Variants in CAPN12 observed in about 807,000 individuals in gnomAD.
The protein encoded by CAPN12 is calpain 12.
Under a neutral mutation model 95.0 loss-of-function variants are expected in CAPN12, and 107 were observed. The ratio of observed to expected loss-of-function variants is 1.13; its 90% CI spans 0.96 to 1.32. The LOEUF is 1.32. Ranked by LOEUF, CAPN12 falls within the 40% of genes most tolerant of loss-of-function variation. CAPN12 has a pLI of 0.00. For synonymous variants in CAPN12, 505 were observed against 415.5 expected (o/e 1.22, Z -2.62); for missense variants, 1,136 against 997.8 (o/e 1.14, Z -1.87).
chr19:38,740,000 A>AC lies in CAPN12; in HGVS notation c.729+50dup, dbSNP rs763638836. On this transcript the variant is annotated intron_variant, in intron 5 of 20. Transcript: ENST00000328867. ...CTCCGCCCACCCCACCACACCCCTG[A>AC]CTGTGCTCTGGTCCTGGTGGGGGTT... 5 of 1,491,618 alleles carry AC rather than the reference A, an allele frequency of 3.4e-6. No homozygotes were observed. In the Admixed American group the frequency reaches 8.8e-5, roughly 26 times the overall value. The allele number at this position is 1,491,618 out of a possible 1,614,324, so 92.4% of individuals were successfully genotyped here. A position where few individuals can be genotyped will look rare whatever the true frequency, so the allele number is the denominator to read the frequency against.
In CAPN12 at chr19:38,742,842, C is replaced by T. The variant is rs144653011; in HGVS notation, c.307+191G>A. ...TTCCAGAATGGGTGACAGAGTGAGACCCCATCTCAAAAAAAAAAAAAAAAA... is the reference window on the plus strand; with the variant it reads ...TTCCAGAATGGGTGACAGAGTGAGATCCCATCTCAAAAAAAAAAAAAAAAA... On this transcript the variant is annotated intron_variant, in intron 2 of 20. Coordinates refer to ENST00000328867, the MANE Select transcript of CAPN12 (RefSeq NM_144691.4). Among the ~76,000 whole-genome samples, 564 of 85,176 alleles carry T rather than the reference C, an allele frequency of 6.6e-3. 5 individuals are homozygous for T. The highest frequency in any genetic ancestry group is 0.022 in the African/African-American group (524 of 23,298). 55.9% of individuals were successfully genotyped at this position (85,176 alleles called of 152,430 possible). A position where few individuals can be genotyped will look rare whatever the true frequency, so the allele number is the denominator to read the frequency against.
intron 18 of CAPN12, among the ~76,000 whole-genome samples, chr19:38,732,290 T>C (rs1160297940): frequency 6.6e-6 from 1 of 152,132 alleles, no homozygotes; most frequent in Non-Finnish European, 1.5e-5. Context: ...CTCCCAATCC[T>C]TGGCTGTCTC....
intron 8 of CAPN12, 53 bp from the exon 9 acceptor site, chr19:38,737,691 A>G (rs549741466): frequency 1.8e-4 from 269 of 1,475,290 alleles, no homozygotes; most frequent in Admixed American, 4.3e-4. Context: ...GGGGGTCCCA[A>G]GATCCCGGAA....
intron 14 of CAPN12, 31 bp from the exon 15 acceptor site, chr19:38,734,901 T>C (rs374675721): frequency 1.2e-5 from 19 of 1,608,290 alleles, no homozygotes; most frequent in Non-Finnish European, 1.6e-5. Flanking sequence ...TGTGAGGCCA[T>C]TTACTCATCC....
In CAPN12 at chr19:38,743,983, GTCATAGCCAAGGGCA is replaced by G; in HGVS notation, c.168_182del (p.Ala57_Asp61del). 6.2e-7 allele frequency: 1 copy of G among 1,614,250 alleles called. No homozygotes were observed. The highest frequency in any genetic ancestry group is 1.1e-5 in the South Asian group (1 of 91,088). On this transcript the variant is annotated inframe_deletion, in exon 1 of 21. Transcript: ENST00000328867. ...CCTTCTCCGAGTCCGGCCCCAGCTGGTCATAGCCAAGGGCATCAGGGCCAGCAGGGAAGTAAGGGT... is the reference window on the plus strand; with the variant it reads ...CCTTCTCCGAGTCCGGCCCCAGCTGGTCAGGGCCAGCAGGGAAGTAAGGGT...
rs1970598371 is a variant in CAPN12 at position 38,742,399 on chromosome 19, C to A, written c.426+11G>T. On this transcript the variant is annotated intron_variant, in intron 3 of 20. Transcript: ENST00000328867. Reference sequence around the variant, plus strand: ...GGAAACGGAGGCATGGGCAGAGGAACTGAGCTGTACCTGGAAGTGGAAGAC... The same window carrying A: ...GGAAACGGAGGCATGGGCAGAGGAAATGAGCTGTACCTGGAAGTGGAAGAC... 6.3e-7 allele frequency: 1 copy of A among 1,587,586 alleles called. No individual in the cohort carries two copies. Among genetic ancestry groups the A allele is most frequent in the Non-Finnish European group, 8.6e-7 (1 of 1,156,126 alleles).
In CAPN12 at chr19:38,736,159, C is replaced by G. The variant is rs935856394; in HGVS notation, c.1534G>C (p.Glu512Gln). 2.0e-6 allele frequency: 3 copies of G among 1,514,146 alleles called. No individual in the cohort carries two copies. Among genetic ancestry groups the G allele is most frequent in the East Asian group, 5.4e-5 (2 of 37,080 alleles). The allele number at this position is 1,514,146 out of a possible 1,614,324, so 93.8% of individuals were successfully genotyped here. ...VVPSTAHAGD[E>Q]ADFTLRVFSE... ...AAGACACGCAGAGTGAAGTCAGCCT[C>G]GTCGCCGGCGTGGGCGGTGCTCGGC... is the stretch of plus-strand genomic sequence containing the variant. The change falls in exon 12 of 21, where the codon GAG (glutamate) becomes CAG (glutamine). Residue 512 changes from glutamate to glutamine, a missense_variant. By Grantham distance (29) the Glu-to-Gln change is conservative. Transcript: ENST00000328867.
Position 38,738,422 on chromosome 19 carries a change from C to G in CAPN12, c.886G>C (p.Asp296His). The change falls in exon 7 of 21, where the codon GAC becomes CAC. Residue 296 changes from aspartate to histidine, a missense_variant. Coordinates refer to ENST00000328867, the MANE Select transcript of CAPN12 (RefSeq NM_144691.4). Reference sequence around the variant, plus strand: ...CCCACCCCAGACCCATCCCACCTGTCGCTCCAGGCCCCCGTCCACTCCACG... The same window carrying G: ...CCCACCCCAGACCCATCCCACCTGTGGCTCCAGGCCCCCGTCCACTCCACG... The part of the protein sequence containing the change: ...GCVEWTGAWS[D>H]SCPRWDTLPT... The G allele has an allele frequency of 6.2e-7, 1 of 1,609,716 alleles. No individual in the cohort carries two copies. The highest frequency in any genetic ancestry group is 8.5e-7 in the Non-Finnish European group (1 of 1,178,298).
intron 15 of CAPN12, 135 bp downstream of exon 15, chr19:38,734,678 T>C: frequency 1.3e-6 from 1 of 783,024 alleles, no homozygotes; most frequent in Non-Finnish European, 2.0e-6. Context: ...AGGGAGATGC[T>C]GCCAGGCTGA....
chr19:38,736,318 G>C lies in CAPN12; in HGVS notation c.1375C>G (p.Leu459Val). 3 of 1,445,546 alleles carry C rather than the reference G, an allele frequency of 2.1e-6. No individual in the cohort carries two copies. Among genetic ancestry groups the C allele is most frequent in the Non-Finnish European group, 2.7e-6 (3 of 1,101,974 alleles). The allele number at this position is 1,445,546 out of a possible 1,614,324, so 89.5% of individuals were successfully genotyped here. A position where few individuals can be genotyped will look rare whatever the true frequency, so the allele number is the denominator to read the frequency against. ...CGCGGGGAATCCCAGAGGCCCAGCA[G>C]CTGGGGACGGGGCGGCATGACCACG... ...GFHVFQIPEE[L>V]LGLWDSPRSH... Residue 459 changes from leucine (L) to valine (V), a missense_variant and splice_region_variant, in exon 12 of 21, where the codon CTG (leucine) becomes GTG (valine). Transcript: ENST00000328867.
chr19:38,732,127 T>C (rs896416954), intron 18 of CAPN12, among the ~76,000 whole-genome samples: 4 of 151,354 alleles, frequency 2.6e-5, no homozygotes, highest in Middle Eastern at 3.5e-3. Flanking sequence ...ATCAGTTTCC[T>C]TCTTCCTGGA....
intron 17 of CAPN12, 49 bp downstream of exon 17, chr19:38,734,093 T>C (rs1969832742): frequency 1.2e-6 from 2 of 1,602,940 alleles, no homozygotes; most frequent in Non-Finnish European, 1.7e-6. Flanking sequence ...ATGTCTCTGT[T>C]AGTAAAGGTT....
intron 1 of CAPN12, 86 bp downstream of exon 1, chr19:38,743,843 C>G: frequency 7.5e-7 from 1 of 1,339,774 alleles, no homozygotes. Flanking sequence ...TCCAGGCCCC[C>G]AGCCTTCCTT....
chr19:38,742,061 C>T (rs1970578356), intron 3 of CAPN12, 151 bp from the exon 4 acceptor site: 1 of 1,190,304 alleles, frequency 8.4e-7, no homozygotes, highest in Non-Finnish European at 1.2e-6. Flanking sequence ...TGCGGTGGCT[C>T]ACATCTGTAA....
chr19:38,733,697 C>CCA lies in CAPN12; in HGVS notation c.1957+4_1957+5dup. ...CCCCACGACCACCCCAGGACCCTGTCCACACCTGCTGCATTCAGTGCCAGC... is the reference window on the plus strand; with the variant it reads ...CCCCACGACCACCCCAGGACCCTGTCCACACACCTGCTGCATTCAGTGCCAGC... On this transcript the variant is annotated splice_donor_region_variant and intron_variant, in intron 18 of 20. Transcript: ENST00000328867. The CCA allele has an allele frequency of 6.2e-7, 1 of 1,612,698 alleles. No homozygotes were observed. The highest frequency in any genetic ancestry group is 2.2e-5 in the East Asian group (1 of 44,828).
At chr19:38,740,368 T>C in intron 4 of CAPN12, 149 bp from the exon 5 acceptor site, 1 of 886,094 alleles carries the variant, frequency 1.1e-6, no homozygotes, top group Non-Finnish European at 1.7e-6. Flanking sequence ...GGTCACCCTG[T>C]GGCCCAGGCC....
At chr19:38,740,026 C>T (rs1300273944) in intron 5 of CAPN12, 25 bp downstream of exon 5, 1 of 1,530,706 alleles carries the variant, frequency 6.5e-7, no homozygotes, top group Admixed American at 2.0e-5. Flanking sequence ...GGTGGGGGTT[C>T]CGCATGCGAG....
intron 2 of CAPN12, 141 bp downstream of exon 2, chr19:38,742,892 G>T: frequency 1.7e-6 from 1 of 591,538 alleles, no homozygotes. Flanking sequence ...GAAGGAGGGA[G>T]GAGGGAGAGA....
chr19:38,731,323 G>T, intron 18 of CAPN12, 100 bp from the exon 19 acceptor site: 1 of 877,680 alleles, frequency 1.1e-6, no homozygotes, highest in South Asian at 1.4e-5. Context: ...ATGCCACAGG[G>T]TGTCACACCC....
Sources: allele counts gnomAD v4.1 joint callset (sites outside exome capture counted in the v4.1 genomes callset), GRCh38; gene constraint gnomAD v4.1.1; transcripts MANE v1.5; gene names NCBI Gene and HGNC (gene_info 2026-07-23, HGNC 2026-07-21).